The following PACRG variants were observed in gnomAD, a reference collection of about 807,000 sequenced individuals.
PACRG encodes the protein parkin coregulated.
A neutral mutation model predicts 29.7 loss-of-function variants in PACRG; 29 were observed. That is an observed-to-expected ratio of 0.98 (90% CI 0.73 to 1.33). PACRG has a LOEUF of 1.33. Ranked by LOEUF, PACRG falls within the 40% of genes most tolerant of loss-of-function variation. The pLI is 0.00. For missense variants in PACRG, 279 were observed against 316.2 expected (o/e 0.88, Z 0.89); for synonymous variants, 116 against 118.7 (o/e 0.98, Z 0.15).
chr6:163,282,482 A>G (rs148059960), intron 4 of PACRG, among the ~76,000 whole-genome samples: 1,704 of 152,276 alleles, frequency 0.011, 34 homozygotes, highest in African/African-American at 0.039. Context: ...AGGACGAGGC[A>G]GGTGGATCAC....
At chr6:162,765,598 T>C (rs1474932623) in intron 1 of PACRG, among the ~76,000 whole-genome samples, 1 of 152,184 alleles carries the variant, frequency 6.6e-6, no homozygotes, top group Non-Finnish European at 1.5e-5. Flanking sequence ...GATGGTAACA[T>C]AGTGGTACCA....
intron 2 of PACRG, among the ~76,000 whole-genome samples, chr6:162,836,251 A>G (rs1056184994): frequency 6.6e-6 from 1 of 152,056 alleles, no homozygotes; most frequent in Non-Finnish European, 1.5e-5. Context: ...AAATCTTTAT[A>G]ACTTAGGCTT....
chr6:162,762,633 A>T (rs1042294859), intron 1 of PACRG, among the ~76,000 whole-genome samples: 1 of 152,226 alleles, frequency 6.6e-6, no homozygotes, highest in African/African-American at 2.4e-5. Flanking sequence ...TATGGCAGGG[A>T]TAACCATGGA....
intron 2 of PACRG, among the ~76,000 whole-genome samples, chr6:162,845,173 T>A (rs538928890): frequency 1.3e-5 from 2 of 152,296 alleles, no homozygotes; most frequent in South Asian, 4.1e-4. Context: ...TGATGAGATA[T>A]AATTTTGCAG....
chr6:162,753,800 A>T (rs1203271816), intron 1 of PACRG, among the ~76,000 whole-genome samples: 1 of 152,094 alleles, frequency 6.6e-6, no homozygotes, highest in Non-Finnish European at 1.5e-5. Flanking sequence ...ACCTTCTGCC[A>T]TGATTGTAAT....
rs1272802819 is a variant in PACRG at position 163,264,234 on chromosome 6, C to A, written c.614-50593C>A. ...GCCGGACCTCTGGAAGCTCTCCTTCCCTGGATTTTGGTGAAAGGAAATGCT... is the reference window on the plus strand; with the variant it reads ...GCCGGACCTCTGGAAGCTCTCCTTCACTGGATTTTGGTGAAAGGAAATGCT... On this transcript the variant is annotated intron_variant, in intron 4 of 4. Coordinates refer to ENST00000366888, the MANE Select transcript of PACRG (RefSeq NM_001080379.2). 2.6e-5 allele frequency among the ~76,000 whole-genome samples: 4 copies of A among 152,188 alleles called. No individual in the cohort carries two copies. In the South Asian group the frequency reaches 8.3e-4, roughly 32 times the overall value.
chr6:163,194,333 T>G (rs1258225326), intron 4 of PACRG, among the ~76,000 whole-genome samples: 1 of 152,206 alleles, frequency 6.6e-6, no homozygotes, highest in African/African-American at 2.4e-5. Flanking sequence ...CCTCTTGATG[T>G]CTCTCTTTTG....
intron 2 of PACRG, among the ~76,000 whole-genome samples, chr6:162,973,068 G>A (rs1431524321): frequency 6.6e-6 from 1 of 152,088 alleles, no homozygotes; most frequent in Non-Finnish European, 1.5e-5. Context: ...CATCAGTAAA[G>A]AAAAAAATGT....
At chr6:163,209,950 G>A (rs530870518) in intron 4 of PACRG, among the ~76,000 whole-genome samples, 8 of 152,278 alleles carry the variant, frequency 5.3e-5, no homozygotes, top group Non-Finnish European at 1.0e-4. Context: ...TATGTGTGAA[G>A]TTCTTGAGCC....
chr6:162,772,891 AG>A (rs1783330094), intron 1 of PACRG, among the ~76,000 whole-genome samples: 1 of 152,236 alleles, frequency 6.6e-6, no homozygotes, highest in Non-Finnish European at 1.5e-5. Flanking sequence ...AGGGAATTAA[AG>A]TGTTGAGAGT....
intron 4 of PACRG, among the ~76,000 whole-genome samples, chr6:163,267,407 GC>G (rs1783569756): frequency 6.6e-6 from 1 of 152,202 alleles, no homozygotes; most frequent in Non-Finnish European, 1.5e-5. Context: ...ACAGAAGGCA[GC>G]CTGCTTCTAA....
At chr6:163,199,767 C>T (rs1395393364) in intron 4 of PACRG, among the ~76,000 whole-genome samples, 1 of 152,100 alleles carries the variant, frequency 6.6e-6, no homozygotes, top group African/African-American at 2.4e-5. Flanking sequence ...TTAACTTAGC[C>T]CCAGAGGCAA....
intron 4 of PACRG, among the ~76,000 whole-genome samples, chr6:163,218,759 G>A (rs183721870): frequency 1.1e-4 from 16 of 152,140 alleles, no homozygotes; most frequent in Non-Finnish European, 2.1e-4. Flanking sequence ...TCCCTCTGCC[G>A]CAGGGGCAGG....
chr6:163,166,280 CAAA>C (rs3064931), intron 4 of PACRG: 148,487 of 435,580 alleles, frequency 0.34, 28,150 homozygotes, highest in Non-Finnish European at 0.42. Context: ...ACAACAACAA[CAAA>C]AAAATGTAGA....
chr6:162,900,025 G>A (rs926280434), intron 2 of PACRG, among the ~76,000 whole-genome samples: 1 of 152,102 alleles, frequency 6.6e-6, no homozygotes, highest in African/African-American at 2.4e-5. Context: ...TCTGGCTGTG[G>A]GGAAGGGCGG....
chr6:163,182,313 G>A (rs1386728270), intron 4 of PACRG, among the ~76,000 whole-genome samples: 1 of 152,130 alleles, frequency 6.6e-6, no homozygotes, highest in Non-Finnish European at 1.5e-5. Context: ...TAACAATTTC[G>A]AGGCTTTCCT....
chr6:163,112,746 T>G (rs995184403), intron 4 of PACRG, among the ~76,000 whole-genome samples: 11 of 152,108 alleles, frequency 7.2e-5, no homozygotes, highest in East Asian at 5.8e-4. Flanking sequence ...CAGAGAACAA[T>G]TTTTTTAAAA....
intron 4 of PACRG, among the ~76,000 whole-genome samples, chr6:163,244,367 C>T (rs1374017324): frequency 6.6e-6 from 1 of 152,022 alleles, no homozygotes; most frequent in Non-Finnish European, 1.5e-5. Context: ...TCTGTAAGGT[C>T]GGGCCAAGGA....
chr6:163,017,926 A>G (rs1016495104), intron 2 of PACRG, among the ~76,000 whole-genome samples: 5 of 152,088 alleles, frequency 3.3e-5, no homozygotes, highest in Non-Finnish European at 5.9e-5. Flanking sequence ...GTGTATGAGT[A>G]AGACTCAAAT....
Sources: gnomAD v4.1 joint callset for allele counts (sites outside exome capture counted in the v4.1 genomes callset) on GRCh38, gnomAD v4.1.1 for gene constraint, MANE v1.5 for transcripts, NCBI Gene and HGNC (gene_info 2026-07-23, HGNC 2026-07-21) for gene names.